The following IGF1R variants were observed in gnomAD, a reference collection of about 807,000 sequenced individuals.
IGF1R encodes the protein insulin-like growth factor 1 receptor.
A neutral mutation model predicts 144.6 loss-of-function variants in IGF1R; 44 were observed. That is an observed-to-expected ratio of 0.30 (90% CI 0.24 to 0.39). IGF1R has a LOEUF of 0.39. Ranked by LOEUF, IGF1R falls within the 10% of genes least tolerant of loss-of-function variation. The pLI is 1.00. For missense variants in IGF1R, 1,355 were observed against 1,833.7 expected (o/e 0.74, Z 4.77); for synonymous variants, 795 against 722.8 (o/e 1.10, Z -1.60).
At chr15:98,752,619 C>T (rs992184747) in intron 2 of IGF1R, among the ~76,000 whole-genome samples, 2 of 151,600 alleles carry the variant, frequency 1.3e-5, no homozygotes, top group Non-Finnish European at 2.9e-5. Flanking sequence ...GGAGGCGGAG[C>T]TTGCAGTGAG....
chr15:98,648,969 T>G lies in IGF1R; in HGVS notation c.-613T>G. On this transcript the variant is annotated 5_prime_UTR_variant, in exon 1 of 21. In the 5' UTR this introduces an upstream ATG that the reference lacks. Transcript: ENST00000650285. Reference sequence around the variant, plus strand: ...CCGCCGCTTTGTGTGTGTCCTGGATTTGGGAAGGAGCTCGCCGCGGCGGCG... The same window carrying G: ...CCGCCGCTTTGTGTGTGTCCTGGATGTGGGAAGGAGCTCGCCGCGGCGGCG... 5.0e-6 allele frequency: 1 copy of G among 199,286 alleles called. No individual in the cohort carries two copies. The allele number at this position is 199,286 out of a possible 1,614,324, so 12.3% of individuals were successfully genotyped here.
intron 5 of IGF1R, chr15:98,900,644 TG>T (rs1388211489): frequency 8.5e-5 from 13 of 152,224 alleles, no homozygotes; most frequent in Admixed American, 8.5e-4. Flanking sequence ...TCCTCCCCAC[TG>T]GGGAACACCA....
intron 2 of IGF1R, among the ~76,000 whole-genome samples, chr15:98,858,440 A>G (rs1035213799): frequency 6.6e-6 from 1 of 152,234 alleles, no homozygotes; most frequent in Non-Finnish European, 1.5e-5. Context: ...AAATATAAAA[A>G]CATTTTCCTG....
At position 98,707,131 on chromosome 15, in the gene IGF1R, A is replaced by G. The variant is rs569436465; in HGVS notation, c.95-431A>G. 6.6e-6 allele frequency among the ~76,000 whole-genome samples: 1 copy of G among 152,278 alleles called. No individual in the cohort carries two copies. Among genetic ancestry groups the G allele is most frequent in the Non-Finnish European group, 1.5e-5 (1 of 68,024 alleles). On this transcript the variant is annotated intron_variant, in intron 1 of 20. Transcript: ENST00000650285. This position sits in a 1 kb window ranked among gnomAD's most constrained non-coding sequence, Gnocchi z 6.7. ...CTGTGTCCTTCAGGCAGGGTGCAGT[A>G]GTAAGTTATTGATACTTGGCTGCTG...
rs61735724 is a variant in IGF1R, at chr15:98,822,318, G to A, written c.641-69007G>A. Among the ~76,000 whole-genome samples, 1,153 of 152,282 alleles carry A rather than the reference G, an allele frequency of 7.6e-3. 15 individuals are homozygous for A. The highest frequency in any genetic ancestry group is 0.026 in the African/African-American group (1,088 of 41,552). On this transcript the variant is annotated intron_variant, in intron 2 of 20. Coordinates refer to ENST00000650285, the MANE Select transcript of IGF1R (RefSeq NM_000875.5). ...GTGTGTATACTCATCTCTTTGTGTT[G>A]TCTCTGGCAGGGAGCAAGTGAGTAC...
intron 18 of IGF1R, among the ~76,000 whole-genome samples, chr15:98,940,972 G>A (rs921253014): frequency 6.6e-6 from 1 of 152,216 alleles, no homozygotes; most frequent in African/African-American, 2.4e-5. Context: ...CGCGTCCCTG[G>A]CTGGGCTTCC....
intron 1 of IGF1R, chr15:98,650,740 T>G (rs2052340993): frequency 3.8e-6 from 1 of 261,022 alleles, no homozygotes; most frequent in Non-Finnish European, 6.0e-6. Flanking sequence ...CGCGGAGCCC[T>G]GGCCTTGGTT....
rs372458753 is a variant in IGF1R, at chr15:98,780,157, AAAAT to A, written c.640+72058_640+72061del. On this transcript the variant is annotated intron_variant, in intron 2 of 20. Coordinates refer to ENST00000650285, the MANE Select transcript of IGF1R (RefSeq NM_000875.5). Reference sequence around the variant, plus strand: ...TATTGAAAACTTAAAGTATAATAAAAAAATAAATAAAATAAAAAAAGAAAAAAGA... The same window carrying A: ...TATTGAAAACTTAAAGTATAATAAAAAAATAAAATAAAAAAAGAAAAAAGA... Among the ~76,000 whole-genome samples the A allele has an allele frequency of 3.2e-4, 49 of 151,960 alleles. No homozygotes were observed. In the East Asian group the frequency reaches 9.1e-3, roughly 28 times the overall value.
At position 98,935,969 on chromosome 15, in the gene IGF1R, C is replaced by CATGT. The variant is rs2016129967; in HGVS notation, c.3297+544_3297+545insTGTA. On this transcript the variant is annotated intron_variant, in intron 17 of 20. Coordinates refer to ENST00000650285, the MANE Select transcript of IGF1R (RefSeq NM_000875.5). The surrounding 1 kb of genome is among the most constrained non-coding windows in gnomAD (Gnocchi z 4.2). The stretch of plus-strand genomic sequence containing the variant: ...GCACTCTGTCAATAAATGTATGTTA[C>CATGT]AGTTCAAGGTTAAGCTGCCTGGATT... 6.6e-6 allele frequency among the ~76,000 whole-genome samples: 1 copy of CATGT among 152,192 alleles called. No individual in the cohort carries two copies. Among genetic ancestry groups the CATGT allele is most frequent in the Non-Finnish European group, 1.5e-5 (1 of 68,046 alleles).
rs56214034 is a variant in IGF1R at position 98,930,179 on chromosome 15, A to T, written c.2886-56A>T. 3.4e-3 allele frequency: 3,986 copies of T among 1,160,176 alleles called. 99 individuals carry two copies. In the African/African-American group the frequency reaches 0.05, roughly 15 times the overall value. 71.9% of individuals were successfully genotyped at this position (1,160,176 alleles called of 1,614,324 possible). On this transcript the variant is annotated intron_variant, in intron 14 of 20. Coordinates refer to ENST00000650285, the MANE Select transcript of IGF1R (RefSeq NM_000875.5). ...ACTGTTGTAGCGAAGATGAAAGTAT[A>T]TACAGGAATGTATGGAGGTGGGGTT...
rs886051617 is a variant in IGF1R at position 98,963,566 on chromosome 15, G to A, written c.*6124G>A. On this transcript the variant is annotated 3_prime_UTR_variant, in exon 21 of 21. Coordinates refer to ENST00000650285, the MANE Select transcript of IGF1R (RefSeq NM_000875.5). ...ATCTGGCTTGATTGGTCTGGCTGCC[G>A]TCATTGTCAGCACAGTGCCATGGAC... The A allele has an allele frequency of 1.3e-5, 3 of 233,138 alleles. No homozygotes were observed. Among genetic ancestry groups the A allele is most frequent in the Non-Finnish European group, 1.7e-5 (2 of 118,040 alleles). 14.4% of individuals were successfully genotyped at this position (233,138 alleles called of 1,614,324 possible). A position where few individuals can be genotyped will look rare whatever the true frequency, so the allele number is the denominator to read the frequency against.
chr15:98,717,981 G>A (rs899367372), intron 2 of IGF1R, among the ~76,000 whole-genome samples: 1 of 152,152 alleles, frequency 6.6e-6, no homozygotes, highest in Non-Finnish European at 1.5e-5. Flanking sequence ...GTGTGTGTTT[G>A]TGTATGTGCG....
At position 98,957,108 on chromosome 15, in the gene IGF1R, C is replaced by T. The variant is rs1460350531; in HGVS notation, c.3770C>T (p.Pro1257Leu). The stretch of plus-strand genomic sequence containing the variant: ...TGGCAGTATAACCCCAAGATGAGGC[C>T]TTCCTTCCTGGAGATCATCAGCAGC... ...MCWQYNPKMR[P>L]SFLEIISSIK... is the part of the protein sequence containing the mutation. The change falls in exon 21 of 21, where the codon CCT becomes CTT. Residue 1257 changes from proline to leucine, a missense_variant. This residue lies in a region of IGF1R where 219 missense variants were observed against 188.8 expected (regional missense o/e 1.16). Coordinates refer to ENST00000650285, the MANE Select transcript of IGF1R (RefSeq NM_000875.5). 9.9e-6 allele frequency: 16 copies of T among 1,614,122 alleles called. No individual in the cohort carries two copies. Among genetic ancestry groups the T allele is most frequent in the African/African-American group, 2.7e-5 (2 of 74,940 alleles).
Position 98,957,457 on chromosome 15 carries a change from A to T in IGF1R, c.*15A>T. The T allele has an allele frequency of 6.2e-7, 1 of 1,612,564 alleles. No individual in the cohort carries two copies. Among genetic ancestry groups the T allele is most frequent in the Non-Finnish European group, 8.5e-7 (1 of 1,179,944 alleles). On this transcript the variant is annotated 3_prime_UTR_variant, in exon 21 of 21. Transcript: ENST00000650285. ...CGACCTGCTGATCCTTGGATCCTGA[A>T]TCTGTGCAAACAGTAACGTGTGCGC...
chr15:98,755,202 G>A (rs533662612), intron 2 of IGF1R, among the ~76,000 whole-genome samples: 5 of 151,886 alleles, frequency 3.3e-5, no homozygotes, highest in South Asian at 2.1e-4. Flanking sequence ...ATAGTCTTTC[G>A]TAACATTTTT....
intron 3 of IGF1R, 57 bp from the exon 4 acceptor site, chr15:98,896,700 T>C: frequency 6.4e-7 from 1 of 1,550,874 alleles, no homozygotes; most frequent in Non-Finnish European, 8.9e-7. Flanking sequence ...GTTTTTTTAA[T>C]GCAAGAAGAC....
chr15:98,772,925 A>C (rs74032590), intron 2 of IGF1R, among the ~76,000 whole-genome samples: 1 of 152,142 alleles, frequency 6.6e-6, no homozygotes, highest in Non-Finnish European at 1.5e-5. Flanking sequence ...CTAAGGGTAC[A>C]GCCATTAATA....
chr15:98,914,350 T>C (rs542520876), intron 8 of IGF1R, among the ~76,000 whole-genome samples: 1 of 152,336 alleles, frequency 6.6e-6, no homozygotes, highest in Admixed American at 6.5e-5. Flanking sequence ...TAAGGTGTTT[T>C]TAAATACCCA....
intron 17 of IGF1R, among the ~76,000 whole-genome samples, chr15:98,937,586 C>T (rs1041817819): frequency 1.3e-5 from 2 of 152,314 alleles, no homozygotes; most frequent in African/African-American, 2.4e-5. Context: ...TTATATTCAA[C>T]CTGCTCCCCC....
Sources: allele counts gnomAD v4.1 joint callset (sites outside exome capture counted in the v4.1 genomes callset), GRCh38; gene constraint gnomAD v4.1.1; regional missense constraint gnomAD v4.1.1; non-coding constraint Gnocchi (gnomAD v3.1); transcripts MANE v1.5; gene names NCBI Gene and HGNC (gene_info 2026-07-23, HGNC 2026-07-21).